CPVL: variants seen among roughly 807,000 people sequenced by gnomAD.
The protein encoded by CPVL is probable serine carboxypeptidase CPVL.
A neutral mutation model predicts 63.7 loss-of-function variants in CPVL; 51 were observed. The observed-to-expected ratio is 0.80, with a 90% CI of 0.64 to 1.01. The LOEUF is 1.01. Among genes scored for constraint, CPVL ranks in the 50% least tolerant of loss-of-function variants. The pLI is 0.00. For missense variants in CPVL, 530 were observed against 573.1 expected, an observed-to-expected ratio of 0.92 and a Z score of 0.77; for synonymous variants, 195 against 206.0, an observed-to-expected ratio of 0.95 and a Z score of 0.46.
chr7:29,032,664 C>T (rs1788140220), intron 11 of CPVL, among the ~76,000 whole-genome samples: 1 of 152,170 alleles, frequency 6.6e-6, no homozygotes, highest in African/African-American at 2.4e-5. Context: ...GATTCTTCTT[C>T]TAGAATTCAG....
intron 3 of CPVL, 107 bp from the exon 4 acceptor site, chr7:29,096,324 T>G: frequency 3.5e-6 from 3 of 861,420 alleles, no homozygotes; most frequent in Non-Finnish European, 3.8e-6. Context: ...GGGCTGTGAC[T>G]AAATCCTACA....
At chr7:29,175,410 G>A (rs1177437175) in intron 5 of CPVL, among the ~76,000 whole-genome samples, 1 of 151,940 alleles carries the variant, frequency 6.6e-6, no homozygotes, top group African/African-American at 2.4e-5. Context: ...TCCAGACTTC[G>A]GGTTTTCTGC....
At chr7:29,017,084 C>T (rs931460726) in intron 12 of CPVL, among the ~76,000 whole-genome samples, 1 of 152,152 alleles carries the variant, frequency 6.6e-6, no homozygotes, top group African/African-American at 2.4e-5. Flanking sequence ...GTCTACTATC[C>T]AGGCCTGATG....
At chr7:29,053,301 C>A (rs1336306741) in intron 11 of CPVL, among the ~76,000 whole-genome samples, 1 of 152,162 alleles carries the variant, frequency 6.6e-6, no homozygotes, top group African/African-American at 2.4e-5. Context: ...CATGAATATT[C>A]ATAGCAACAT....
chr7:29,114,484 A>G (rs1011247565), intron 2 of CPVL, among the ~76,000 whole-genome samples: 1 of 152,096 alleles, frequency 6.6e-6, no homozygotes, highest in African/African-American at 2.4e-5. Context: ...CATGCCTCTT[A>G]GCTGAGCATG....
At chr7:29,170,835 T>C (rs749595110) in intron 5 of CPVL, among the ~76,000 whole-genome samples, 1 of 152,162 alleles carries the variant, frequency 6.6e-6, no homozygotes, top group African/African-American at 2.4e-5. Context: ...TCACATCTTA[T>C]GTGGATGGCT....
upstream of CPVL, chr7:29,147,255 CATT>C: frequency 5.6e-6 from 2 of 358,532 alleles, no homozygotes; most frequent in South Asian, 6.5e-5. Context: ...GGAGGGTCAT[CATT>C]ATCAGCAACA....
intron 5 of CPVL, among the ~76,000 whole-genome samples, chr7:29,179,210 C>T (rs1295830058): frequency 6.6e-6 from 1 of 152,172 alleles, no homozygotes; most frequent in Non-Finnish European, 1.5e-5. Flanking sequence ...CTTGGGAGAA[C>T]CCTTCAGAAG....
chr7:29,073,237 G>T (rs1165392520), intron 7 of CPVL, among the ~76,000 whole-genome samples: 1 of 152,080 alleles, frequency 6.6e-6, no homozygotes, highest in African/African-American at 2.4e-5. Flanking sequence ...AACAATCTTG[G>T]TGCCATTCGT....
At chr7:29,006,644 C>T (rs1004841769) in intron 12 of CPVL, among the ~76,000 whole-genome samples, 41 of 152,200 alleles carry the variant, frequency 2.7e-4, no homozygotes, top group African/African-American at 8.0e-4. Context: ...CTGGATTCAA[C>T]TATGTTCTCG....
In CPVL at chr7:29,050,974, C is replaced by T. The variant is rs143018889; in HGVS notation, c.1137+13087G>A. Among the ~76,000 whole-genome samples, 929 of 152,192 alleles carry T rather than the reference C, an allele frequency of 6.1e-3. 12 individuals carry two copies. The highest frequency in any genetic ancestry group is 0.02 in the African/African-American group (847 of 41,500). On this transcript the variant is annotated intron_variant, in intron 11 of 12. Transcript: ENST00000265394. ...ATACTAACAGCCAATTGATCTTTGA[C>T]AAAGCAAATAAAAACATAAAGTGGG...
At chr7:29,136,358 C>G (rs1791225106) in intron 1 of CPVL, among the ~76,000 whole-genome samples, 1 of 152,120 alleles carries the variant, frequency 6.6e-6, no homozygotes, top group Non-Finnish European at 1.5e-5. Context: ...TAGTATACTA[C>G]TTGGCTCAGC....
chr7:29,138,855 C>T (rs1263915767), intron 1 of CPVL, among the ~76,000 whole-genome samples: 1 of 152,150 alleles, frequency 6.6e-6, no homozygotes, highest in Admixed American at 6.5e-5. Flanking sequence ...CCAGCGGGTA[C>T]CTCTTCCCTG....
rs34506581 is a variant in CPVL at position 29,039,663 on chromosome 7, T to TA, written c.1138-8905dup. On this transcript the variant is annotated intron_variant, in intron 11 of 12. Transcript: ENST00000265394. ...AACTTTAACCATTTTTTGTTGTGGT[T>TA]AAAAAAAAAAAGCACACATGTTACT... Among the ~76,000 whole-genome samples the TA allele has an allele frequency of 3.8e-3, 554 of 145,676 alleles. 3 individuals carry two copies. The highest frequency in any genetic ancestry group is 0.013 in the African/African-American group (503 of 40,016).
upstream of CPVL, among the ~76,000 whole-genome samples, chr7:29,149,189 C>CTTTT (rs60520174): frequency 3.3e-3 from 330 of 100,244 alleles, 9 homozygotes; most frequent in African/African-American, 3.9e-3. Flanking sequence ...GTCTGTTTCC[C>CTTTT]TTTTTTTTTT....
chr7:29,130,701 T>G (rs1160223659), intron 1 of CPVL, among the ~76,000 whole-genome samples: 1 of 152,178 alleles, frequency 6.6e-6, no homozygotes, highest in Non-Finnish European at 1.5e-5. Flanking sequence ...GATGTCAAAG[T>G]CCACGTATTT....
chr7:29,152,626 A>C (rs1216601273), intron 5 of CPVL, among the ~76,000 whole-genome samples: 1 of 152,134 alleles, frequency 6.6e-6, no homozygotes, highest in Non-Finnish European at 1.5e-5. Context: ...CCACCCAGAG[A>C]TCTATCAGCA....
intron 12 of CPVL, among the ~76,000 whole-genome samples, chr7:29,020,164 C>T (rs761069397): frequency 7.2e-5 from 11 of 152,126 alleles, no homozygotes; most frequent in Admixed American, 6.5e-5. Context: ...ATGTGGGATG[C>T]CAGGCCTGGG....
At chr7:29,076,310 T>C (rs962700530) in intron 7 of CPVL, among the ~76,000 whole-genome samples, 3 of 152,164 alleles carry the variant, frequency 2.0e-5, no homozygotes, top group African/African-American at 4.8e-5. Context: ...GACCTCCCCA[T>C]GGTGTTCGCC....
Sources: gnomAD v4.1 joint callset for allele counts (sites outside exome capture counted in the v4.1 genomes callset) on GRCh38, gnomAD v4.1.1 for gene constraint, MANE v1.5 for transcripts, NCBI Gene and HGNC (gene_info 2026-07-23, HGNC 2026-07-21) for gene names.